Variants in NFXL1 observed in about 807,000 individuals in gnomAD.
NFXL1 encodes nuclear transcription factor, X-box binding like 1, also known as NF-X1-type zinc finger protein NFXL1.
A neutral mutation model predicts 123.3 loss-of-function variants in NFXL1; 66 were observed. That is an observed-to-expected ratio of 0.54 (90% CI 0.44 to 0.66). The LOEUF is 0.66. Among genes scored for constraint, NFXL1 ranks in the 30% least tolerant of loss-of-function variants. The probability of loss-of-function intolerance (pLI) is 0.00; values close to 1 mark genes in which losing one functional copy is unlikely to be tolerated. For synonymous variants in NFXL1, 346 were observed against 360.8 expected, an observed-to-expected ratio of 0.96 and a Z score of 0.46; for missense variants, 944 against 1,125.6, an observed-to-expected ratio of 0.84 and a Z score of 2.31.
At chr4:47,858,645 T>C (rs775423123) in intron 19 of NFXL1, among the ~76,000 whole-genome samples, 2 of 152,182 alleles carry the variant, frequency 1.3e-5, no homozygotes, top group African/African-American at 2.4e-5. Context: ...GCAAACAATA[T>C]TGTTTGCAGA....
At position 47,914,199 on chromosome 4, in the gene NFXL1, T is replaced by C; in HGVS notation, c.5A>G (p.Glu2Gly). The C allele has an allele frequency of 6.7e-7, 1 of 1,500,230 alleles. No individual in the cohort carries two copies. The highest frequency in any genetic ancestry group is 8.9e-7 in the Non-Finnish European group (1 of 1,122,664). 92.9% of individuals were successfully genotyped at this position (1,500,230 alleles called of 1,614,324 possible). A position where few individuals can be genotyped will look rare whatever the true frequency, so the allele number is the denominator to read the frequency against. M[E>G]ASWRQVAGGR... The stretch of plus-strand genomic sequence containing the variant: ...ACCGGCCACCTGGCGCCAGGAAGCT[T>C]CCATCCCTGCAAAGGAGAAAAAAAA... The change falls in exon 2 of 23, where the codon GAA becomes GGA. Residue 2 changes from glutamate (E) to glycine (G), a missense_variant. Transcript: ENST00000507489.
At chr4:47,869,758 AAAG>A (rs1402141568) in intron 18 of NFXL1, among the ~76,000 whole-genome samples, 2 of 152,106 alleles carry the variant, frequency 1.3e-5, no homozygotes, top group African/African-American at 2.4e-5. Flanking sequence ...GTAAACCATA[AAAG>A]AACAGTCAAT....
intron 18 of NFXL1, among the ~76,000 whole-genome samples, chr4:47,865,372 C>A (rs1734992745): frequency 6.6e-6 from 1 of 151,728 alleles, no homozygotes; most frequent in African/African-American, 2.4e-5. Context: ...CCAAATATAT[C>A]CACATGTCCC....
At chr4:47,878,887 A>T (rs1051297048) in intron 16 of NFXL1, among the ~76,000 whole-genome samples, 1 of 152,156 alleles carries the variant, frequency 6.6e-6, no homozygotes, top group Non-Finnish European at 1.5e-5. Flanking sequence ...AAAATTCAAT[A>T]TGATTCTGTA....
At chr4:47,885,466 G>A in intron 14 of NFXL1, 32 bp downstream of exon 14, 1 of 1,527,416 alleles carries the variant, frequency 6.5e-7, no homozygotes, top group Non-Finnish European at 9.0e-7. Flanking sequence ...CCACAGCAAT[G>A]CACTATTTCT....
chr4:47,855,487 T>C (rs1734358943), intron 19 of NFXL1, among the ~76,000 whole-genome samples: 1 of 152,040 alleles, frequency 6.6e-6, no homozygotes, highest in Non-Finnish European at 1.5e-5. Context: ...GTACAGGTGA[T>C]TCATGCTTCA....
rs201052770 is a variant in NFXL1, at chr4:47,855,163, G to A, written c.2317C>T (p.Leu773Phe). Reference protein sequence around the residue: ...SCCKNQCPKELPCGHRCKEMC... With the variant: ...SCCKNQCPKEFPCGHRCKEMC... ...TCTTTGCATCTATGACCACAAGGAA[G>A]CTAAAATAAAATCAAAATAAAGCAA... The change falls in exon 20 of 23, where the codon CTT becomes TTT. Residue 773 changes from leucine (L) to phenylalanine (F), a missense_variant and splice_region_variant. Physicochemically the swap from Leu to Phe is conservative, Grantham distance 22. This residue lies in a region of NFXL1 where 301 missense variants were observed against 348.0 expected (regional missense o/e 0.86). Coordinates refer to ENST00000507489, the MANE Select transcript of NFXL1 (RefSeq NM_001278624.2). 6.8e-5 allele frequency: 105 copies of A among 1,549,538 alleles called. No individual in the cohort carries two copies. The highest frequency in any genetic ancestry group is 8.3e-5 in the Non-Finnish European group (94 of 1,133,614).
chr4:47,893,530 A>G (rs1578030207), intron 11 of NFXL1, among the ~76,000 whole-genome samples: 2 of 152,114 alleles, frequency 1.3e-5, no homozygotes. Context: ...AATGCAAGCT[A>G]AAAGATAGTA....
rs188611940 is a variant in NFXL1 at position 47,902,707 on chromosome 4, G to T, written c.647+486C>A. On this transcript the variant is annotated intron_variant, in intron 5 of 22. Coordinates refer to ENST00000507489, the MANE Select transcript of NFXL1 (RefSeq NM_001278624.2). ...TGGATGATTTATTAGTTATCAAAAG[G>T]AACTAGTAGTTATAGAAATTCAAAT... Among the ~76,000 whole-genome samples, 179 of 152,082 alleles carry T rather than the reference G, an allele frequency of 1.2e-3. 1 individual carries two copies. Among genetic ancestry groups the T allele is most frequent in the Admixed American group, 4.3e-3 (65 of 15,274 alleles).
chr4:47,891,695 A>C, intron 11 of NFXL1, among the ~76,000 whole-genome samples: 1 of 152,242 alleles, frequency 6.6e-6, no homozygotes, highest in East Asian at 1.9e-4. Context: ...TTAGGGTTGT[A>C]TATAAGAGTA....
At chr4:47,910,744 A>G (rs1737790732) in intron 3 of NFXL1, 80 bp downstream of exon 3, 3 of 810,710 alleles carry the variant, frequency 3.7e-6, no homozygotes, top group South Asian at 4.2e-5. Flanking sequence ...TCTATTCCAT[A>G]TAGAACAAAG....
At chr4:47,900,656 C>CAA (rs1340196624) in intron 5 of NFXL1, among the ~76,000 whole-genome samples, 2 of 152,206 alleles carry the variant, frequency 1.3e-5, no homozygotes, top group African/African-American at 4.8e-5. Flanking sequence ...TGTAGATCAT[C>CAA]ATAGATCAGT....
chr4:47,875,656 A>C (rs543911913), intron 17 of NFXL1, among the ~76,000 whole-genome samples: 1 of 152,328 alleles, frequency 6.6e-6, no homozygotes, highest in Admixed American at 6.5e-5. Context: ...AAGAATGTTC[A>C]TTCATTTCTA....
chr4:47,875,972 A>G (rs1358915455), intron 17 of NFXL1, among the ~76,000 whole-genome samples: 2 of 152,134 alleles, frequency 1.3e-5, no homozygotes, highest in Non-Finnish European at 2.9e-5. Flanking sequence ...ATTTCAGGAT[A>G]TTGTTTTCTC....
rs1735912225 is a variant in NFXL1 at position 47,878,846 on chromosome 4, C to T, written c.1939-181G>A. 4 of 508,302 alleles carry T rather than the reference C, an allele frequency of 7.9e-6. No homozygotes were observed. The South Asian group carries it at 1.7e-4, about 21-fold the overall frequency. The allele number at this position is 508,302 out of a possible 1,614,324, so 31.5% of individuals were successfully genotyped here. On this transcript the variant is annotated intron_variant, in intron 16 of 22. Coordinates refer to ENST00000507489, the MANE Select transcript of NFXL1 (RefSeq NM_001278624.2). ...TCAAAATATTTCAAAGTAATGAATG[C>T]CAAGAAGCAAAATGTTCTCCTCCTA...
chr4:47,913,090 T>C (rs189602574), intron 2 of NFXL1, among the ~76,000 whole-genome samples: 2 of 150,668 alleles, frequency 1.3e-5, no homozygotes, highest in Admixed American at 1.3e-4. Flanking sequence ...TCACGGCCAT[T>C]AACTGCATGC....
chr4:47,877,487 T>A (rs1417010193), intron 17 of NFXL1, among the ~76,000 whole-genome samples: 1 of 152,090 alleles, frequency 6.6e-6, no homozygotes, highest in African/African-American at 2.4e-5. Flanking sequence ...TTTTTCTGAC[T>A]CACTCCGTAT....
chr4:47,903,182 G>C lies in NFXL1; in HGVS notation c.647+11C>G. On this transcript the variant is annotated intron_variant, in intron 5 of 22. Coordinates refer to ENST00000507489, the MANE Select transcript of NFXL1 (RefSeq NM_001278624.2). ...ATAATAATAATAATCCAACTAATTA[G>C]AAAAAGTTACCAAGGCCAGGGACAA... 3 of 1,558,836 alleles carry C rather than the reference G, an allele frequency of 1.9e-6. No homozygotes were observed. In the South Asian group the frequency reaches 3.6e-5, roughly 19 times the overall value.
chr4:47,877,665 A>T (rs1467982356), intron 17 of NFXL1, among the ~76,000 whole-genome samples: 6 of 152,074 alleles, frequency 3.9e-5, no homozygotes, highest in Non-Finnish European at 8.8e-5. Flanking sequence ...AATTAAAAGC[A>T]ATACATTTAC....
Sources: gnomAD v4.1 joint callset for allele counts (sites outside exome capture counted in the v4.1 genomes callset) on GRCh38, gnomAD v4.1.1 for gene constraint, gnomAD v4.1.1 regional missense constraint, MANE v1.5 for transcripts, NCBI Gene and HGNC (gene_info 2026-07-23, HGNC 2026-07-21) for gene names.